The following PDILT variants were observed in gnomAD, a reference collection of about 807,000 sequenced individuals.
PDILT encodes protein disulfide isomerase like, testis expressed, also known as protein disulfide-isomerase-like protein of the testis.
Under a neutral mutation model 53.7 loss-of-function variants are expected in PDILT, and 43 were observed. That is an observed-to-expected ratio of 0.80 (90% CI 0.63 to 1.03). The LOEUF (loss-of-function observed/expected upper bound fraction) is 1.03. PDILT is among the 50% of genes least tolerant of loss of function. The pLI is 0.00. For missense variants in PDILT, 727 were observed against 712.3 expected (o/e 1.02, Z -0.24); for synonymous variants, 282 against 274.2 (o/e 1.03, Z -0.28).
At chr16:20,369,091 A>G (rs1966262161) in intron 8 of PDILT, among the ~76,000 whole-genome samples, 2 of 152,168 alleles carry the variant, frequency 1.3e-5, no homozygotes, top group South Asian at 4.1e-4. Context: ...TTAAGGCTAC[A>G]TCTTGATTGC....
chr16:20,360,660 A>G lies in PDILT; in HGVS notation c.1417-3T>C. On this transcript the variant is annotated splice_polypyrimidine_tract_variant and splice_region_variant and intron_variant, in intron 10 of 11. Coordinates refer to ENST00000302451, the MANE Select transcript of PDILT (RefSeq NM_174924.2). ...TGTTCTCCCTTATACAGGACAGCCT[A>G]GGATGAAAATGGAACAGGGTCAGGA... 6.2e-7 allele frequency: 1 copy of G among 1,609,474 alleles called. No homozygotes were observed. Among genetic ancestry groups the G allele is most frequent in the Non-Finnish European group, 8.5e-7 (1 of 1,175,832 alleles).
chr16:20,394,479 G>A (rs1298720556), intron 2 of PDILT, among the ~76,000 whole-genome samples: 1 of 152,150 alleles, frequency 6.6e-6, no homozygotes, highest in Non-Finnish European at 1.5e-5. Context: ...ACATTTCCCA[G>A]CCTCTCTTAC....
chr16:20,372,652 A>C (rs1451816865), intron 7 of PDILT, 150 bp downstream of exon 7: 1 of 841,044 alleles, frequency 1.2e-6, no homozygotes, highest in Non-Finnish European at 1.8e-6. Flanking sequence ...TGTGGCATTG[A>C]CATGCAAATC....
Position 20,367,049 on chromosome 16 carries a change from T to C in PDILT, c.1117-1509A>G, listed in dbSNP as rs912442511. ...CTTCTTTCTTTCTTTCTTTCTTTCTTTCTTTCTTTCTTTCTTTCTTTCTTT... is the reference window on the plus strand; with the variant it reads ...CTTCTTTCTTTCTTTCTTTCTTTCTCTCTTTCTTTCTTTCTTTCTTTCTTT... On this transcript the variant is annotated intron_variant, in intron 8 of 11. Transcript: ENST00000302451. Among the ~76,000 whole-genome samples the C allele has an allele frequency of 2.5e-4, 18 of 73,154 alleles. 2 individuals carry two copies. The highest frequency in any genetic ancestry group is 7.8e-4 in the African/African-American group (13 of 16,740). 48.0% of individuals were successfully genotyped at this position (73,154 alleles called of 152,430 possible). A position where few individuals can be genotyped will look rare whatever the true frequency, so the allele number is the denominator to read the frequency against.
chr16:20,375,983 C>A, intron 4 of PDILT, 85 bp downstream of exon 4: 1 of 1,525,990 alleles, frequency 6.6e-7, no homozygotes, highest in Non-Finnish European at 8.8e-7. Context: ...GCAATCAAAA[C>A]GGAAGAGTCT....
At position 20,400,070 on chromosome 16, in the gene PDILT, A is replaced by ATTTTTT. The variant is rs1186213740; in HGVS notation, c.-7-764_-7-763insAAAAAA. 4.5e-3 allele frequency among the ~76,000 whole-genome samples: 566 copies of ATTTTTT among 126,594 alleles called. 4 individuals carry two copies. Among genetic ancestry groups the ATTTTTT allele is most frequent in the African/African-American group, 0.017 (521 of 31,038 alleles). 83.1% of individuals were successfully genotyped at this position (126,594 alleles called of 152,430 possible). ...TCTATCTATCTATATATATATATAT[A>ATTTTTT]TATTTTTTGAGACGGAGTTTTGCTC... On this transcript the variant is annotated intron_variant, in intron 1 of 11. Coordinates refer to ENST00000302451, the MANE Select transcript of PDILT (RefSeq NM_174924.2).
chr16:20,366,961 TTCC>T (rs1567320276), intron 8 of PDILT, among the ~76,000 whole-genome samples: 5 of 143,516 alleles, frequency 3.5e-5, no homozygotes, highest in African/African-American at 1.3e-4. Context: ...CCTTCCTTCC[TTCC>T]TTCCTTCCTT....
intron 11 of PDILT, among the ~76,000 whole-genome samples, 192 bp from the exon 12 acceptor site, chr16:20,359,759 A>G (rs1343326669): frequency 7.9e-5 from 12 of 152,212 alleles, no homozygotes; most frequent in Non-Finnish European, 1.5e-4. Context: ...TCAGAGGTAA[A>G]GTGCCCAACT....
At chr16:20,370,189 A>G (rs1966283750) in intron 7 of PDILT, among the ~76,000 whole-genome samples, 2 of 152,198 alleles carry the variant, frequency 1.3e-5, no homozygotes, top group Admixed American at 1.3e-4. Context: ...TGGAGTGTCT[A>G]CTATGTGTGA....
intron 3 of PDILT, among the ~76,000 whole-genome samples, chr16:20,378,781 T>A (rs530901778): frequency 1.3e-5 from 2 of 152,184 alleles, no homozygotes; most frequent in Non-Finnish European, 2.9e-5. Context: ...AAGGACACGA[T>A]CTCATTCCTT....
At chr16:20,400,414 CT>C (rs11343462) in intron 1 of PDILT, among the ~76,000 whole-genome samples, 19,027 of 129,900 alleles carry the variant, frequency 0.15, 1,847 homozygotes, top group East Asian at 0.37. Flanking sequence ...TCAGATGATA[CT>C]TTTTTTTTTT....
At chr16:20,373,280 G>A (rs1192611221) in intron 5 of PDILT, among the ~76,000 whole-genome samples, 158 bp from the exon 6 acceptor site, 1 of 152,148 alleles carries the variant, frequency 6.6e-6, no homozygotes. Flanking sequence ...ACTAGGAGGG[G>A]CTGGCCAGAT....
intron 7 of PDILT, 80 bp from the exon 8 acceptor site, chr16:20,369,769 G>T: frequency 7.2e-7 from 1 of 1,396,538 alleles, no homozygotes; most frequent in Non-Finnish European, 1.0e-6. Flanking sequence ...TGGACTAAGG[G>T]GATGCACATG....
At chr16:20,361,719 C>G (rs187187349) in intron 10 of PDILT, among the ~76,000 whole-genome samples, 1 of 152,292 alleles carries the variant, frequency 6.6e-6, no homozygotes, top group East Asian at 1.9e-4. Flanking sequence ...GACCACACTT[C>G]CTACCTGTAG....
intron 4 of PDILT, 105 bp from the exon 5 acceptor site, chr16:20,375,064 A>T: frequency 7.5e-7 from 1 of 1,332,438 alleles, no homozygotes; most frequent in Non-Finnish European, 1.0e-6. Context: ...TCACTTTTTC[A>T]AGTTCTGGGG....
chr16:20,360,531 G>T, intron 11 of PDILT, 37 bp downstream of exon 11: 1 of 1,494,700 alleles, frequency 6.7e-7, no homozygotes, highest in Non-Finnish European at 9.3e-7. Flanking sequence ...ATTCTGTGTG[G>T]GACAGAATAA....
intron 7 of PDILT, among the ~76,000 whole-genome samples, chr16:20,372,025 A>G (rs1966314433): frequency 6.6e-6 from 1 of 152,148 alleles, no homozygotes; most frequent in Non-Finnish European, 1.5e-5. Context: ...TTAAAAGAGA[A>G]AAAAAACCCT....
chr16:20,373,111 C>A lies in PDILT; in HGVS notation c.693G>T (p.Val231=), dbSNP rs1966331396. 4 of 1,613,894 alleles carry A rather than the reference C, an allele frequency of 2.5e-6. No homozygotes were observed. The East Asian group carries it at 8.9e-5, about 36-fold the overall frequency. The change falls in exon 6 of 12, where the codon GTG becomes GTT. Residue 231 remains valine (V), a synonymous_variant. Transcript: ENST00000302451. ...SVLVFKKGKI[V]NRQKLINDST... ...TGTCATTAATAAGCTTTTGGCGGTTCACAATTTTTCCCTTGTACAAAAGGA... is the reference window on the plus strand; with the variant it reads ...TGTCATTAATAAGCTTTTGGCGGTTAACAATTTTTCCCTTGTACAAAAGGA...
chr16:20,359,219 A>T lies in PDILT; in HGVS notation c.*100T>A. 6.5e-7 allele frequency: 1 copy of T among 1,532,488 alleles called. No homozygotes were observed. 94.9% of individuals were successfully genotyped at this position (1,532,488 alleles called of 1,614,324 possible). A position where few individuals can be genotyped will look rare whatever the true frequency, so the allele number is the denominator to read the frequency against. ...ATCCACCCCTACCCCCGCCCCACCT[A>T]CCCTACCACAATGATATATGCTTTT... On this transcript the variant is annotated 3_prime_UTR_variant, in exon 12 of 12. Coordinates refer to ENST00000302451, the MANE Select transcript of PDILT (RefSeq NM_174924.2).
Sources: allele counts gnomAD v4.1 joint callset (sites outside exome capture counted in the v4.1 genomes callset), GRCh38; gene constraint gnomAD v4.1.1; transcripts MANE v1.5; gene names NCBI Gene and HGNC (gene_info 2026-07-23, HGNC 2026-07-21).